SAMMSON: variants seen among roughly 807,000 people sequenced by gnomAD.
The protein encoded by SAMMSON is long intergenic non-protein coding RNA 1212.
intron 4 of SAMMSON, among the ~76,000 whole-genome samples, chr3:70,150,489 T>C (rs1384427697): frequency 6.6e-6 from 1 of 152,086 alleles, no homozygotes; most frequent in East Asian, 1.9e-4. Flanking sequence ...ATGATGTTAG[T>C]TAAAATACTG....
chr3:70,163,942 A>T lies in SAMMSON; in HGVS notation n.508-85165A>T, dbSNP rs918146447. Among the ~76,000 whole-genome samples the T allele has an allele frequency of 2.0e-5, 3 of 152,164 alleles. No individual in the cohort carries two copies. The East Asian group carries it at 5.8e-4, about 30-fold the overall frequency. ...AGTTCCCAAGGTAATTGCCTTGTAT[A>T]GTTTAGCCATGTGCCCCATAAACCC... On this transcript the variant is annotated intron_variant and non_coding_transcript_variant, in intron 4 of 9. Transcript: ENST00000642114.
At chr3:70,059,287 G>T (rs1056724843) in intron 3 of SAMMSON, among the ~76,000 whole-genome samples, 1 of 152,076 alleles carries the variant, frequency 6.6e-6, no homozygotes, top group Non-Finnish European at 1.5e-5. Context: ...TCAAAATTTA[G>T]TTCCTGTAGT....
At chr3:70,009,473 C>T (rs1178080277) in intron 1 of SAMMSON, among the ~76,000 whole-genome samples, 5 of 152,186 alleles carry the variant, frequency 3.3e-5, no homozygotes, top group South Asian at 2.1e-4. Context: ...TCTGTGGGAT[C>T]GGTGGTGATA....
intron 6 of SAMMSON, among the ~76,000 whole-genome samples, chr3:70,281,172 T>A (rs559402970): frequency 6.6e-6 from 1 of 152,250 alleles, no homozygotes; most frequent in Admixed American, 6.5e-5. Flanking sequence ...GCCCCTACAA[T>A]TTTAGTGTAG....
intron 7 of SAMMSON, among the ~76,000 whole-genome samples, chr3:70,326,508 G>A (rs1044706868): frequency 6.6e-6 from 1 of 152,132 alleles, no homozygotes; most frequent in African/African-American, 2.4e-5. Flanking sequence ...TTCCCAGTCT[G>A]TGGCAGTGAA....
intron 9 of SAMMSON, among the ~76,000 whole-genome samples, chr3:70,383,347 T>TAA (rs3081020): frequency 0.43 from 62,058 of 144,450 alleles, 13,100 homozygotes; most frequent in Admixed American, 0.5. Flanking sequence ...AAAATAAAAA[T>TAA]AAAAAAAAAA....
chr3:70,282,147 T>C (rs964063208), intron 6 of SAMMSON, among the ~76,000 whole-genome samples: 1 of 152,116 alleles, frequency 6.6e-6, no homozygotes, highest in African/African-American at 2.4e-5. Flanking sequence ...CAAAATCTGT[T>C]ACTCAACAGA....
At chr3:70,047,542 G>A (rs1182927277) in intron 3 of SAMMSON, among the ~76,000 whole-genome samples, 1 of 151,916 alleles carries the variant, frequency 6.6e-6, no homozygotes, top group East Asian at 1.9e-4. Flanking sequence ...TCACCATGTT[G>A]TCTGGCTGGT....
At chr3:70,002,667 G>C (rs148562378) in intron 1 of SAMMSON, among the ~76,000 whole-genome samples, 1 of 152,228 alleles carries the variant, frequency 6.6e-6, no homozygotes, top group Non-Finnish European at 1.5e-5. Flanking sequence ...ACTGTATATG[G>C]ATTTTCTACT....
chr3:70,229,260 G>A (rs533364800), intron 4 of SAMMSON, among the ~76,000 whole-genome samples: 6 of 152,330 alleles, frequency 3.9e-5, no homozygotes, highest in African/African-American at 1.4e-4. Context: ...TAGCCAAGGA[G>A]GGTGAGTGTG....
intron 7 of SAMMSON, among the ~76,000 whole-genome samples, chr3:70,292,647 C>G (rs1702249759): frequency 6.6e-6 from 1 of 151,998 alleles, no homozygotes; most frequent in Non-Finnish European, 1.5e-5. Context: ...TATTTAAACT[C>G]CCTAATGATT....
chr3:70,224,346 G>A (rs1380268330), intron 4 of SAMMSON, among the ~76,000 whole-genome samples: 1 of 152,156 alleles, frequency 6.6e-6, no homozygotes, highest in Non-Finnish European at 1.5e-5. Context: ...ATGCTGCAGC[G>A]GATGGTGCAA....
intron 6 of SAMMSON, among the ~76,000 whole-genome samples, chr3:70,272,732 C>T (rs1701986582): frequency 6.6e-6 from 1 of 152,160 alleles, no homozygotes; most frequent in African/African-American, 2.4e-5. Context: ...CTGGAATGTA[C>T]AAACATTATT....
chr3:70,344,654 C>A (rs1028243206), intron 7 of SAMMSON, among the ~76,000 whole-genome samples: 1 of 152,184 alleles, frequency 6.6e-6, no homozygotes, highest in African/African-American at 2.4e-5. Context: ...TCACAGACAC[C>A]CACCTCTGGA....
At chr3:70,020,386 C>T (rs1276677348) in intron 3 of SAMMSON, among the ~76,000 whole-genome samples, 2 of 152,026 alleles carry the variant, frequency 1.3e-5, no homozygotes, top group Non-Finnish European at 2.9e-5. Flanking sequence ...AGGAAATGAC[C>T]AAAGGAACTG....
intron 6 of SAMMSON, among the ~76,000 whole-genome samples, chr3:70,275,204 T>C (rs1037163048): frequency 6.6e-6 from 1 of 152,206 alleles, no homozygotes; most frequent in Non-Finnish European, 1.5e-5. Flanking sequence ...ATTGTGCTTC[T>C]GAATAGCATT....
intron 3 of SAMMSON, among the ~76,000 whole-genome samples, chr3:70,050,220 A>G (rs983354499): frequency 5.9e-5 from 9 of 152,178 alleles, no homozygotes; most frequent in African/African-American, 2.2e-4. Context: ...TTTCTACTCG[A>G]TTAAAAATAT....
At chr3:70,199,392 T>C (rs1576152149) in intron 4 of SAMMSON, among the ~76,000 whole-genome samples, 1 of 152,102 alleles carries the variant, frequency 6.6e-6, no homozygotes, top group Non-Finnish European at 1.5e-5. Context: ...AAAAAAAAAG[T>C]TTTGGCTTAA....
intron 4 of SAMMSON, among the ~76,000 whole-genome samples, chr3:70,207,258 A>G (rs1701299680): frequency 6.6e-6 from 1 of 152,038 alleles, no homozygotes; most frequent in African/African-American, 2.4e-5. Flanking sequence ...CTCCTCTGTA[A>G]AAAGAAAAAT....
Sources: gnomAD v4.1 joint callset for allele counts (sites outside exome capture counted in the v4.1 genomes callset) on GRCh38, gnomAD v4.1.1 for gene constraint, MANE v1.5 for transcripts, NCBI Gene and HGNC (gene_info 2026-07-23, HGNC 2026-07-21) for gene names.